TMEFF2: variants seen among roughly 807,000 people sequenced by gnomAD.
The protein encoded by TMEFF2 is tomoregulin-2.
In TMEFF2, 28 loss-of-function variants were observed where a neutral mutation model predicts 53.8. The observed-to-expected ratio is 0.52, with a 90% CI of 0.39 to 0.71. The LOEUF is 0.71. TMEFF2 is among the 30% of genes least tolerant of loss of function. The pLI is 0.00. For missense variants in TMEFF2, 353 were observed against 455.2 expected (o/e 0.78, Z 2.04); for synonymous variants, 162 against 166.3 (o/e 0.97, Z 0.20).
chr2:192,026,606 C>CT (rs1384212982), intron 5 of TMEFF2, among the ~76,000 whole-genome samples: 2 of 152,068 alleles, frequency 1.3e-5, no homozygotes, highest in African/African-American at 4.8e-5. Context: ...TGAGTCCAGC[C>CT]TTTTTTTAAA....
chr2:192,189,189 C>T (rs1335402856), intron 2 of TMEFF2, among the ~76,000 whole-genome samples: 1 of 151,950 alleles, frequency 6.6e-6, no homozygotes, highest in Non-Finnish European at 1.5e-5. Context: ...AAATTGAAAA[C>T]ATTATAGGTA....
rs747110005 is a variant in TMEFF2, at chr2:191,953,759, T to G, written c.948A>C (p.Arg316=). 10 of 1,614,104 alleles carry G rather than the reference T, an allele frequency of 6.2e-6. No homozygotes were observed. In the East Asian group the frequency reaches 2.0e-4, roughly 32 times the overall value. Residue 316 remains arginine, a synonymous_variant, in exon 9 of 10, where the codon CGA becomes CGC. Transcript: ENST00000272771. ...SVLYVVPGPV[R]FQYVLIAAVI... ...CAGCTGCGATTAAGACATACTGAAA[T>G]CGTACAGGACCGGGAACAACGTATA...
chr2:192,096,384 G>A (rs73045710), intron 4 of TMEFF2, among the ~76,000 whole-genome samples: 3,006 of 152,128 alleles, frequency 0.02, 90 homozygotes, highest in African/African-American at 0.068. Context: ...ACTATTATAA[G>A]AGGTTTCTTT....
intron 7 of TMEFF2, among the ~76,000 whole-genome samples, chr2:191,977,577 G>C (rs7585779): frequency 1.3e-5 from 2 of 152,060 alleles, no homozygotes; most frequent in Non-Finnish European, 2.9e-5. Flanking sequence ...TGGTGTGTCT[G>C]TTGCTAATAA....
intron 7 of TMEFF2, among the ~76,000 whole-genome samples, chr2:191,989,373 C>G (rs910346120): frequency 6.6e-6 from 1 of 152,076 alleles, no homozygotes; most frequent in African/African-American, 2.4e-5. Flanking sequence ...GGGAGGAGGT[C>G]CTAGCCAAGG....
At chr2:192,181,375 T>C (rs1273710585) in intron 3 of TMEFF2, among the ~76,000 whole-genome samples, 2 of 151,850 alleles carry the variant, frequency 1.3e-5, no homozygotes, top group African/African-American at 2.4e-5. Context: ...ATAGTTTCTT[T>C]TAAATTTTCC....
intron 4 of TMEFF2, among the ~76,000 whole-genome samples, chr2:192,139,528 G>A (rs1574408806): frequency 6.6e-6 from 1 of 152,156 alleles, no homozygotes; most frequent in East Asian, 1.9e-4. Flanking sequence ...TAATCACTGG[G>A]AAATGATGGT....
At chr2:192,104,965 G>A (rs79151796) in intron 4 of TMEFF2, among the ~76,000 whole-genome samples, 5,072 of 152,070 alleles carry the variant, frequency 0.033, 281 homozygotes, top group African/African-American at 0.12. Context: ...GTTATCTCAT[G>A]TTAACGCAAG....
At chr2:192,167,779 C>T (rs898668915) in intron 4 of TMEFF2, among the ~76,000 whole-genome samples, 1 of 152,124 alleles carries the variant, frequency 6.6e-6, no homozygotes, top group Non-Finnish European at 1.5e-5. Flanking sequence ...TTGCAGGTTT[C>T]TTCAGAGATG....
chr2:192,135,877 G>T (rs867849266), intron 4 of TMEFF2, among the ~76,000 whole-genome samples: 4 of 151,540 alleles, frequency 2.6e-5, no homozygotes, highest in Non-Finnish European at 2.9e-5. Context: ...CCTTCTCCTG[G>T]CTCAGAAGCT....
intron 7 of TMEFF2, 134 bp downstream of exon 7, chr2:191,998,128 G>C: frequency 1.5e-6 from 1 of 650,682 alleles, no homozygotes; most frequent in Non-Finnish European, 2.5e-6. Context: ...ATGAAAGCTT[G>C]AACTAAGCAA....
chr2:192,056,509 T>A (rs1687914508), intron 5 of TMEFF2, among the ~76,000 whole-genome samples: 1 of 152,104 alleles, frequency 6.6e-6, no homozygotes, highest in Non-Finnish European at 1.5e-5. Context: ...GAAGTTTGAG[T>A]TATTCACTTT....
intron 5 of TMEFF2, among the ~76,000 whole-genome samples, chr2:191,999,976 G>A (rs944960734): frequency 1.3e-5 from 2 of 151,736 alleles, no homozygotes; most frequent in African/African-American, 2.4e-5. Context: ...TGCCACTCAT[G>A]ATGTTAATAT....
chr2:191,961,396 G>A (rs7558135), intron 7 of TMEFF2, among the ~76,000 whole-genome samples: 115,736 of 152,050 alleles, frequency 0.76, 44,190 homozygotes, highest in East Asian at 0.94. Context: ...AAAATTTTCA[G>A]TTTTGAATGT....
intron 4 of TMEFF2, among the ~76,000 whole-genome samples, chr2:192,131,630 A>C (rs1385084247): frequency 6.6e-6 from 1 of 151,946 alleles, no homozygotes; most frequent in Middle Eastern, 3.2e-3. Context: ...TCTGGAGGGC[A>C]AGAAACCCCC....
intron 4 of TMEFF2, among the ~76,000 whole-genome samples, chr2:192,117,589 CA>C (rs1328167004): frequency 3.3e-5 from 5 of 152,030 alleles, no homozygotes; most frequent in Non-Finnish European, 7.4e-5. Flanking sequence ...CCTAGAACTC[CA>C]AACTCCAAAA....
intron 9 of TMEFF2, among the ~76,000 whole-genome samples, chr2:191,951,343 C>G (rs1691873954): frequency 7.3e-6 from 1 of 136,796 alleles, no homozygotes; most frequent in South Asian, 2.5e-4. Context: ...AAACATGTCT[C>G]CAAATGTCCA....
intron 5 of TMEFF2, among the ~76,000 whole-genome samples, chr2:192,055,825 A>G (rs918843287): frequency 4.6e-5 from 7 of 151,800 alleles, no homozygotes; most frequent in African/African-American, 1.7e-4. Flanking sequence ...CTCAATAAAA[A>G]ACAAAAAACA....
intron 4 of TMEFF2, among the ~76,000 whole-genome samples, chr2:192,168,875 T>C (rs1304517797): frequency 6.6e-6 from 1 of 151,840 alleles, no homozygotes; most frequent in Non-Finnish European, 1.5e-5. Flanking sequence ...TGGGGTCTTG[T>C]TACATTGCCC....
Sources: allele counts gnomAD v4.1 joint callset (sites outside exome capture counted in the v4.1 genomes callset), GRCh38; gene constraint gnomAD v4.1.1; transcripts MANE v1.5; gene names NCBI Gene and HGNC (gene_info 2026-07-23, HGNC 2026-07-21).